The following TP63 variants were observed in gnomAD, a reference collection of about 807,000 sequenced individuals.
TP63 encodes the protein tumor protein 63.
Under a neutral mutation model 82.8 loss-of-function variants are expected in TP63, and 17 were observed. The observed-to-expected ratio is 0.21, with a 90% confidence interval of 0.14 to 0.31. TP63 has a LOEUF of 0.31. Among genes scored for constraint, TP63 ranks in the 10% least tolerant of loss-of-function variants. The probability of loss-of-function intolerance (pLI) is 1.00; values close to 1 mark genes in which losing one functional copy is unlikely to be tolerated. For missense variants in TP63, 648 were observed against 895.3 expected (o/e 0.72, Z 3.52); for synonymous variants, 330 against 321.7 (o/e 1.03, Z -0.28).
At chr3:189,729,162 GA>G (rs1719981237) in intron 1 of TP63, among the ~76,000 whole-genome samples, 1 of 152,210 alleles carries the variant, frequency 6.6e-6, no homozygotes, top group East Asian at 1.9e-4. Flanking sequence ...GAGCATGAGT[GA>G]AGGGCATTGT....
chr3:189,718,447 G>A (rs572629418), intron 1 of TP63, among the ~76,000 whole-genome samples: 2 of 149,880 alleles, frequency 1.3e-5, no homozygotes, highest in South Asian at 2.3e-4. Context: ...CACGATGGGG[G>A]AACTACCAAA....
intron 1 of TP63, among the ~76,000 whole-genome samples, chr3:189,699,105 C>G (rs1158936531): frequency 6.6e-6 from 1 of 152,140 alleles, no homozygotes; most frequent in Admixed American, 6.6e-5. Context: ...GATCAATTTT[C>G]CTGTAAATTA....
At chr3:189,676,873 C>T (rs995692735) in intron 1 of TP63, among the ~76,000 whole-genome samples, 1 of 152,062 alleles carries the variant, frequency 6.6e-6, no homozygotes, top group African/African-American at 2.4e-5. Context: ...CCCCCAACAT[C>T]AGTGGAAAAA....
upstream of TP63, among the ~76,000 whole-genome samples, chr3:189,631,070 T>C (rs1729434046): frequency 6.6e-6 from 1 of 152,144 alleles, no homozygotes; most frequent in Admixed American, 6.6e-5. Flanking sequence ...GGGTGGACAC[T>C]CATCAGCTCA....
At chr3:189,692,085 A>G (rs1716981826) in intron 1 of TP63, among the ~76,000 whole-genome samples, 2 of 152,016 alleles carry the variant, frequency 1.3e-5, no homozygotes, top group South Asian at 4.2e-4. Context: ...TATTTCTAGC[A>G]CTCTCTATTA....
chr3:189,817,819 A>G (rs1728357557), intron 4 of TP63, among the ~76,000 whole-genome samples: 1 of 152,012 alleles, frequency 6.6e-6, no homozygotes, highest in Non-Finnish European at 1.5e-5. Context: ...ATTTTTTTAA[A>G]AGCATTTCAG....
At chr3:189,625,048 T>C in the TP63 span, among the ~76,000 whole-genome samples, 3 of 151,982 alleles carry the variant, frequency 2.0e-5, no homozygotes, top group South Asian at 6.2e-4. Flanking sequence ...AGGTAAAAGG[T>C]GATGAAAGGA....
chr3:189,803,302 G>GA (rs1726513050), intron 3 of TP63, among the ~76,000 whole-genome samples: 2 of 151,594 alleles, frequency 1.3e-5, no homozygotes, highest in South Asian at 2.1e-4. Flanking sequence ...CCATCTCAAA[G>GA]AAAAAAAATT....
intron 3 of TP63, among the ~76,000 whole-genome samples, chr3:189,792,993 T>C (rs1338494635): frequency 6.6e-6 from 1 of 152,092 alleles, no homozygotes; most frequent in Admixed American, 6.6e-5. Flanking sequence ...TATTAAGCTG[T>C]CCCATGTTGT....
intron 1 of TP63, among the ~76,000 whole-genome samples, chr3:189,672,827 T>C (rs935614134): frequency 6.6e-6 from 1 of 152,070 alleles, no homozygotes; most frequent in African/African-American, 2.4e-5. Flanking sequence ...AATTGGTTTT[T>C]TTAACATAAT....
intron 1 of TP63, among the ~76,000 whole-genome samples, chr3:189,717,074 A>G (rs1010501664): frequency 2.6e-5 from 4 of 152,168 alleles, no homozygotes; most frequent in Non-Finnish European, 5.9e-5. Context: ...CTGGGATTAC[A>G]GGAGTGAGTC....
chr3:189,745,975 A>C (rs1365304487), intron 3 of TP63, among the ~76,000 whole-genome samples: 1 of 152,110 alleles, frequency 6.6e-6, no homozygotes, highest in Non-Finnish European at 1.5e-5. Flanking sequence ...CAAATCAAAT[A>C]AAAGGATTAG....
intron 4 of TP63, among the ~76,000 whole-genome samples, chr3:189,815,939 T>C (rs1309047285): frequency 1.3e-5 from 2 of 152,202 alleles, no homozygotes; most frequent in Admixed American, 1.3e-4. Context: ...ATGACCTTTC[T>C]GCTTCTCATT....
intron 3 of TP63, among the ~76,000 whole-genome samples, chr3:189,752,492 A>C (rs1721894825): frequency 6.6e-6 from 1 of 152,110 alleles, no homozygotes; most frequent in African/African-American, 2.4e-5. Context: ...TATCCTTTTT[A>C]ATGTAAGTGG....
At chr3:189,823,849 G>A (rs940889407) in intron 4 of TP63, among the ~76,000 whole-genome samples, 5 of 152,134 alleles carry the variant, frequency 3.3e-5, no homozygotes, top group Non-Finnish European at 7.4e-5. Context: ...ATAGACTTCG[G>A]ATAGAGGCAG....
chr3:189,658,248 T>C (rs1560090026), intron 1 of TP63, among the ~76,000 whole-genome samples: 1 of 152,056 alleles, frequency 6.6e-6, no homozygotes, highest in East Asian at 1.9e-4. Context: ...TGAATATTCA[T>C]GATTCCACAC....
chr3:189,789,865 C>A, intron 3 of TP63: 2 of 1,557,126 alleles, frequency 1.3e-6, no homozygotes, highest in South Asian at 2.5e-5. Flanking sequence ...GATTTTAGCA[C>A]TCCATTTAGA....
chr3:189,625,245 G>GA, the TP63 span, among the ~76,000 whole-genome samples: 2 of 152,134 alleles, frequency 1.3e-5, no homozygotes, highest in African/African-American at 4.8e-5. Context: ...AAGGCCTGGG[G>GA]AAAACCTGTT....
upstream of TP63, among the ~76,000 whole-genome samples, chr3:189,629,148 C>T (rs965971771): frequency 5.9e-5 from 9 of 151,922 alleles, no homozygotes; most frequent in African/African-American, 1.9e-4. Context: ...GAAGCCGGGT[C>T]GGGAGGATAG....
Sources: gnomAD v4.1 joint callset for allele counts (sites outside exome capture counted in the v4.1 genomes callset) on GRCh38, gnomAD v4.1.1 for gene constraint, MANE v1.5 for transcripts, NCBI Gene and HGNC (gene_info 2026-07-23, HGNC 2026-07-21) for gene names.